The following ZC3H14 variants were observed in gnomAD, a reference collection of about 807,000 sequenced individuals.
ZC3H14 encodes the protein zinc finger CCCH domain-containing protein 14.
A neutral mutation model predicts 92.4 loss-of-function variants in ZC3H14; 31 were observed. The ratio of observed to expected loss-of-function variants is 0.34; its 90% CI spans 0.25 to 0.45. ZC3H14 has a LOEUF of 0.45. Ranked by LOEUF, ZC3H14 falls within the 20% of genes least tolerant of loss-of-function variation. The pLI is 1.00. For missense variants in ZC3H14, 781 were observed against 897.3 expected (o/e 0.87, Z 1.66); for synonymous variants, 321 against 300.9 (o/e 1.07, Z -0.69).
chr14:88,594,767 T>G, intron 9 of ZC3H14: 1 of 1,614,048 alleles, frequency 6.2e-7, no homozygotes, highest in Non-Finnish European at 8.5e-7. Flanking sequence ...CCTCTACCAA[T>G]TTTTCTTCCA....
At chr14:88,600,454 T>TG (rs2084457497) in intron 10 of ZC3H14, among the ~76,000 whole-genome samples, 1 of 151,730 alleles carries the variant, frequency 6.6e-6, no homozygotes, top group African/African-American at 2.4e-5. Context: ...TTTTTTTTTT[T>TG]TGGTTTGAGA....
chr14:88,618,313 T>C lies in ZC3H14; in HGVS notation c.*6562T>C, dbSNP rs1381726137. 1.9e-6 allele frequency: 3 copies of C among 1,613,742 alleles called. No homozygotes were observed. Among genetic ancestry groups the C allele is most frequent in the Non-Finnish European group, 8.5e-7 (1 of 1,179,852 alleles). On this transcript the variant is annotated 3_prime_UTR_variant, in exon 17 of 17. Coordinates refer to ENST00000251038, the MANE Select transcript of ZC3H14 (RefSeq NM_024824.5). ...GAAGGCACTTCATAGACATGCCGTT[T>C]ATAGCAGCCACTAGAGACCTTTTTC... is the stretch of plus-strand genomic sequence containing the variant.
chr14:88,583,372 C>T (rs957352134), intron 9 of ZC3H14, among the ~76,000 whole-genome samples: 4 of 152,064 alleles, frequency 2.6e-5, no homozygotes, highest in African/African-American at 9.7e-5. Flanking sequence ...CTTGCCTCAG[C>T]CTCCCAAAGT....
intron 9 of ZC3H14, among the ~76,000 whole-genome samples, chr14:88,584,249 T>C (rs1026604001): frequency 4.6e-5 from 7 of 152,208 alleles, no homozygotes; most frequent in Admixed American, 1.3e-4. Context: ...CATACACTTA[T>C]ATGTGGATTT....
Position 88,627,235 on chromosome 14 carries a change from G to A in ZC3H14, c.*15484G>A, listed in dbSNP as rs890008798. ...TATTGAGTCCTTTTCACTTATCTTC[G>A]CTCCATTAACTTTTCTTTATATAAC... On this transcript the variant is annotated 3_prime_UTR_variant, in exon 17 of 17. Transcript: ENST00000251038. 10 of 604,358 alleles carry A rather than the reference G, an allele frequency of 1.7e-5. No homozygotes were observed. Among genetic ancestry groups the A allele is most frequent in the African/African-American group, 1.5e-4 (8 of 53,922 alleles). The allele number at this position is 604,358 out of a possible 1,614,324, so 37.4% of individuals were successfully genotyped here.
At chr14:88,564,539 G>C (rs2079315258) in intron 2 of ZC3H14, among the ~76,000 whole-genome samples, 1 of 152,094 alleles carries the variant, frequency 6.6e-6, no homozygotes, top group African/African-American at 2.4e-5. Context: ...AGACTCCAAG[G>C]GCCTCTGAAG....
chr14:88,611,432 A>G (rs997114436), intron 16 of ZC3H14, among the ~76,000 whole-genome samples: 1 of 152,196 alleles, frequency 6.6e-6, no homozygotes, highest in African/African-American at 2.4e-5. Flanking sequence ...GCAAACATAT[A>G]CTAAGGCCAG....
At chr14:88,595,012 G>T in intron 9 of ZC3H14, 4 of 1,613,736 alleles carry the variant, frequency 2.5e-6, no homozygotes, top group Non-Finnish European at 3.4e-6. Flanking sequence ...AACAACATAT[G>T]AATGCAACAG....
chr14:88,593,012 A>C, intron 9 of ZC3H14, among the ~76,000 whole-genome samples: 1 of 141,792 alleles, frequency 7.1e-6, no homozygotes, highest in African/African-American at 2.6e-5. Flanking sequence ...TCTGTCGCCT[A>C]GGCTGGAGTG....
At chr14:88,581,249 CT>C (rs2081874422) in intron 9 of ZC3H14, among the ~76,000 whole-genome samples, 1 of 152,130 alleles carries the variant, frequency 6.6e-6, no homozygotes, top group Admixed American at 6.6e-5. Flanking sequence ...TCTTGGAATA[CT>C]TCCTATTTAA....
chr14:88,574,566 A>G, intron 6 of ZC3H14, 127 bp from the exon 7 acceptor site: 1 of 1,225,766 alleles, frequency 8.2e-7, no homozygotes, highest in Non-Finnish European at 1.2e-6. Context: ...TTTACATAAA[A>G]CCAAGAAATA....
intron 4 of ZC3H14, 46 bp downstream of exon 4, chr14:88,571,170 A>G (rs1263975284): frequency 2.0e-6 from 3 of 1,504,304 alleles, no homozygotes; most frequent in Non-Finnish European, 2.7e-6. Context: ...GCTATGGCAT[A>G]TGATTTGTTT....
At position 88,611,782 on chromosome 14, in the gene ZC3H14, A is replaced by C; in HGVS notation, c.*31A>C. 6.2e-7 allele frequency: 1 copy of C among 1,613,920 alleles called. No individual in the cohort carries two copies. Among genetic ancestry groups the C allele is most frequent in the South Asian group, 1.1e-5 (1 of 91,056 alleles). ...AGTCCTGCCTGGCAGAAGATCATGC[A>C]GTTTGGAAGTTTTCATGTACTGATG... On this transcript the variant is annotated 3_prime_UTR_variant, in exon 17 of 17. Transcript: ENST00000251038.
chr14:88,572,871 A>G lies in ZC3H14; in HGVS notation c.725A>G (p.His242Arg). The G allele has an allele frequency of 6.2e-7, 1 of 1,614,220 alleles. No individual in the cohort carries two copies. The highest frequency in any genetic ancestry group is 1.6e-4 in the Middle Eastern group (1 of 6,062). ...TTTCAACAGCAGCAGAATAGTATTC[A>G]TGCTGCCAAGCAGCTTGATATGCAG... ...LQFQQQQNSI[H>R]AAKQLDMQSS... is the part of the protein sequence containing the mutation. Residue 242 changes from histidine (H) to arginine (R), a missense_variant, in exon 6 of 17, where the codon CAT (histidine) becomes CGT (arginine). This residue lies in a region of ZC3H14 where 454 missense variants were observed against 438.5 expected (regional missense o/e 1.04). Coordinates refer to ENST00000251038, the MANE Select transcript of ZC3H14 (RefSeq NM_024824.5).
At chr14:88,595,223 T>G (rs2139972619) in intron 9 of ZC3H14, 1 of 1,530,530 alleles carries the variant, frequency 6.5e-7, no homozygotes, top group African/African-American at 1.4e-5. Context: ...AGAACTTGAA[T>G]TTTTCATGGA....
chr14:88,572,962 G>T lies in ZC3H14; in HGVS notation c.816G>T (p.Thr272=). 1 of 1,614,094 alleles carries T rather than the reference G, an allele frequency of 6.2e-7. No individual in the cohort carries two copies. The highest frequency in any genetic ancestry group is 8.5e-7 in the Non-Finnish European group (1 of 1,180,028). ...AGGTGCTTAACAGCTTAGAAGAAACGTATAGTCCGTTCTTTAGAAACAACT... is the reference window on the plus strand; with the variant it reads ...AGGTGCTTAACAGCTTAGAAGAAACTTATAGTCCGTTCTTTAGAAACAACT... ...EPEVLNSLEE[T]YSPFFRNNSE... The change falls in exon 6 of 17, where the codon ACG becomes ACT. Residue 272 remains threonine (T), a synonymous_variant. Coordinates refer to ENST00000251038, the MANE Select transcript of ZC3H14 (RefSeq NM_024824.5).
In ZC3H14 at chr14:88,611,980, TAAGG is replaced by T; in HGVS notation, c.*233_*236del. 1 of 588,204 alleles carries T rather than the reference TAAGG, an allele frequency of 1.7e-6. No individual in the cohort carries two copies. Among genetic ancestry groups the T allele is most frequent in the Non-Finnish European group, 3.0e-6 (1 of 335,384 alleles). 36.4% of individuals were successfully genotyped at this position (588,204 alleles called of 1,614,324 possible). On this transcript the variant is annotated 3_prime_UTR_variant, in exon 17 of 17. Coordinates refer to ENST00000251038, the MANE Select transcript of ZC3H14 (RefSeq NM_024824.5). ...TTGTTTTTACTATGAAAAGACAGCT[TAAGG>T]AAGAGCTAAATTCTGTTAAAATATT...
Position 88,616,136 on chromosome 14 carries a change from ACTAACC to A in ZC3H14, c.*4386_*4391del. The A allele has an allele frequency of 1.2e-6, 2 of 1,613,556 alleles. No homozygotes were observed. Among genetic ancestry groups the A allele is most frequent in the Non-Finnish European group, 1.7e-6 (2 of 1,179,510 alleles). On this transcript the variant is annotated 3_prime_UTR_variant, in exon 17 of 17. Transcript: ENST00000251038. ...CTGCTCTTCATGGGCTGAGAAAGTTACTAACCTGCAGTCATCACCTCCAGCACTAAC... is the reference window on the plus strand; with the variant it reads ...CTGCTCTTCATGGGCTGAGAAAGTTATGCAGTCATCACCTCCAGCACTAAC...
At chr14:88,594,490 G>A in intron 9 of ZC3H14, 1 of 1,353,990 alleles carries the variant, frequency 7.4e-7, no homozygotes, top group Non-Finnish European at 9.5e-7. Context: ...AGAGCAATTG[G>A]TCTGGTACGT....
Sources: allele counts gnomAD v4.1 joint callset (sites outside exome capture counted in the v4.1 genomes callset), GRCh38; gene constraint gnomAD v4.1.1; regional missense constraint gnomAD v4.1.1; transcripts MANE v1.5; gene names NCBI Gene and HGNC (gene_info 2026-07-23, HGNC 2026-07-21).